UBE2M: variants seen among roughly 807,000 people sequenced by gnomAD.
UBE2M encodes NEDD8-conjugating enzyme Ubc12.
Under a neutral mutation model 23.5 loss-of-function variants are expected in UBE2M, and 2 were observed. The observed-to-expected ratio is 0.09, with a 90% CI of 0.03 to 0.27. The LOEUF (loss-of-function observed/expected upper bound fraction) is 0.27, where lower values mean the gene tolerates loss of function less well. Ranked by LOEUF, UBE2M falls within the 10% of genes least tolerant of loss-of-function variation. UBE2M has a pLI of 1.00. For synonymous variants in UBE2M, 97 were observed against 95.2 expected (o/e 1.02, Z -0.11); for missense variants, 103 against 232.9 (o/e 0.44, Z 3.63).
In UBE2M at chr19:58,558,384, T is replaced by C; in HGVS notation, c.-3A>G. ...TTCAGCGAGAACAGCTTGATCATCCTGCCGCCGCCGCCGCCGCTGCCGCCG... is the reference window on the plus strand; with the variant it reads ...TTCAGCGAGAACAGCTTGATCATCCCGCCGCCGCCGCCGCCGCTGCCGCCG... On this transcript the variant is annotated 5_prime_UTR_variant, in exon 1 of 6. Coordinates refer to ENST00000253023, the MANE Select transcript of UBE2M (RefSeq NM_003969.4). The surrounding 1 kb of genome is among the most constrained non-coding windows in gnomAD (Gnocchi z 4.7). 7.1e-7 allele frequency: 1 copy of C among 1,401,498 alleles called. No homozygotes were observed. The highest frequency in any genetic ancestry group is 9.4e-7 in the Non-Finnish European group (1 of 1,064,374). The allele number at this position is 1,401,498 out of a possible 1,614,324, so 86.8% of individuals were successfully genotyped here.
rs777097738 is a variant in UBE2M, at chr19:58,556,645, C to A, written c.347+42G>T. The A allele has an allele frequency of 1.3e-6, 2 of 1,486,300 alleles. No individual in the cohort carries two copies. The highest frequency in any genetic ancestry group is 1.8e-6 in the Non-Finnish European group (2 of 1,107,840). The allele number at this position is 1,486,300 out of a possible 1,614,324, so 92.1% of individuals were successfully genotyped here. ...CCACAAGACCATGAGGGAGGCCTGG[C>A]AGGCAGCGCTGAGGAGGGCATTAGA... On this transcript the variant is annotated intron_variant, in intron 4 of 5. Coordinates refer to ENST00000253023, the MANE Select transcript of UBE2M (RefSeq NM_003969.4). This position sits in a 1 kb window ranked among gnomAD's most constrained non-coding sequence, Gnocchi z 4.9.
In UBE2M at chr19:58,557,122, T is replaced by A; in HGVS notation, c.145A>T (p.Ile49Phe). Residue 49 changes from isoleucine to phenylalanine, a missense_variant, in exon 2 of 6, where the codon ATC becomes TTC. Ile to Phe is a conservative substitution (Grantham distance 21). Around this residue, in one of 3 missense-constraint regions of UBE2M, gnomAD observed 57 missense variants for 103.3 expected, o/e 0.55. Coordinates refer to ENST00000253023, the MANE Select transcript of UBE2M (RefSeq NM_003969.4). The stretch of plus-strand genomic sequence containing the variant: ...AGGTCGTCTGGATCTGAGAAGCTGA[T>A]ATCACACGTCTTGGGCAGGTTCAGC... The part of the protein sequence containing the change: ...NELNLPKTCD[I>F]SFSDPDDLLN... The A allele has an allele frequency of 6.2e-7, 1 of 1,613,954 alleles. No homozygotes were observed. Among genetic ancestry groups the A allele is most frequent in the Non-Finnish European group, 8.5e-7 (1 of 1,179,968 alleles).
rs184053887 is a variant in UBE2M at position 58,557,733 on chromosome 19, C to A, written c.109+540G>T. 1.2e-3 allele frequency among the ~76,000 whole-genome samples: 178 copies of A among 147,808 alleles called. 1 individual carries two copies. The highest frequency in any genetic ancestry group is 4.2e-3 in the African/African-American group (171 of 40,328). On this transcript the variant is annotated intron_variant, in intron 1 of 5. Transcript: ENST00000253023. ...ATTTCCCCTCACCCCTGTCTCCAAT[C>A]CCTGGTACTCATTAACCTTCCCTCC... is the stretch of plus-strand genomic sequence containing the variant.
In UBE2M at chr19:58,556,618, G is replaced by T; in HGVS notation, c.347+69C>A. On this transcript the variant is annotated intron_variant, in intron 4 of 5. Transcript: ENST00000253023. The surrounding 1 kb of genome is among the most constrained non-coding windows in gnomAD (Gnocchi z 4.9). The stretch of plus-strand genomic sequence containing the variant: ...GGGAAGGGACAGAGTCTGATGTAGT[G>T]CCCACAAGACCATGAGGGAGGCCTG... The T allele has an allele frequency of 7.5e-7, 1 of 1,334,512 alleles. No homozygotes were observed. The highest frequency in any genetic ancestry group is 1.0e-6 in the Non-Finnish European group (1 of 971,816). The allele number at this position is 1,334,512 out of a possible 1,614,324, so 82.7% of individuals were successfully genotyped here.
Position 58,558,522 on chromosome 19 carries a change from G to C in UBE2M, c.-141C>G. On this transcript the variant is annotated 5_prime_UTR_variant, in exon 1 of 6. Transcript: ENST00000253023. This position sits in a 1 kb window ranked among gnomAD's most constrained non-coding sequence, Gnocchi z 4.7. The stretch of plus-strand genomic sequence containing the variant: ...GCTGCTGCCGCCACCCGCCCGGCCT[G>C]CCGCGCCGCTCCGCTCCTCTCCGCG... The C allele has an allele frequency of 4.0e-6, 1 of 253,148 alleles. No homozygotes were observed. The highest frequency in any genetic ancestry group is 6.2e-6 in the Non-Finnish European group (1 of 160,798). 15.7% of individuals were successfully genotyped at this position (253,148 alleles called of 1,614,324 possible).
chr19:58,556,677 G>C lies in UBE2M; in HGVS notation c.347+10C>G. 2 of 1,522,134 alleles carry C rather than the reference G, an allele frequency of 1.3e-6. No individual in the cohort carries two copies. Among genetic ancestry groups the C allele is most frequent in the Non-Finnish European group, 1.8e-6 (2 of 1,137,354 alleles). 94.3% of individuals were successfully genotyped at this position (1,522,134 alleles called of 1,614,324 possible). ...CGCTGAGGAGGGCATTAGAGGGCCA[G>C]TGTCCTCACCTGAGGATGTTGAGGC... On this transcript the variant is annotated intron_variant, in intron 4 of 5. Coordinates refer to ENST00000253023, the MANE Select transcript of UBE2M (RefSeq NM_003969.4). The surrounding 1 kb of genome is among the most constrained non-coding windows in gnomAD (Gnocchi z 4.9).
rs980479986 is a variant in UBE2M at position 58,556,801 on chromosome 19, G to A, written c.244-11C>T. On this transcript the variant is annotated splice_polypyrimidine_tract_variant and intron_variant, in intron 3 of 5. Transcript: ENST00000253023. The surrounding 1 kb of genome is among the most constrained non-coding windows in gnomAD (Gnocchi z 4.9). ...GTAACCCTGGCCCACCTGGCTCCAG[G>A]AAAAGAAAAGAGAGATGGGTAGGTG... The A allele has an allele frequency of 8.7e-6, 14 of 1,604,156 alleles. No individual in the cohort carries two copies. Among genetic ancestry groups the A allele is most frequent in the South Asian group, 1.1e-5 (1 of 90,248 alleles).
chr19:58,555,900 C>T lies in UBE2M; in HGVS notation c.*189G>A, dbSNP rs1380990945. 5 of 745,036 alleles carry T rather than the reference C, an allele frequency of 6.7e-6. No individual in the cohort carries two copies. Among genetic ancestry groups the T allele is most frequent in the East Asian group, 2.7e-5 (1 of 36,414 alleles). 46.2% of individuals were successfully genotyped at this position (745,036 alleles called of 1,614,324 possible). On this transcript the variant is annotated 3_prime_UTR_variant, in exon 6 of 6. Coordinates refer to ENST00000253023, the MANE Select transcript of UBE2M (RefSeq NM_003969.4). ...TCGCTGAGTGGGTCGGGGGAGGCAG[C>T]GCCGACCTTAATCACATGGTGTTAA...
At chr19:58,557,300 C>CT in intron 1 of UBE2M, 143 bp from the exon 2 acceptor site, 1 of 773,362 alleles carries the variant, frequency 1.3e-6, no homozygotes, top group Non-Finnish European at 2.2e-6. Flanking sequence ...CTCTCCTGGG[C>CT]TGTGCTCCAC....
rs1391202053 is a variant in UBE2M at position 58,558,260 on chromosome 19, C to T, written c.109+13G>A. The T allele has an allele frequency of 1.9e-6, 3 of 1,599,768 alleles. No individual in the cohort carries two copies. Among genetic ancestry groups the T allele is most frequent in the Non-Finnish European group, 2.6e-6 (3 of 1,173,744 alleles). On this transcript the variant is annotated intron_variant, in intron 1 of 5. Transcript: ENST00000253023. This position sits in a 1 kb window ranked among gnomAD's most constrained non-coding sequence, Gnocchi z 4.7. ...CCGACCTCCGGCTCCAACCCCATCC[C>T]CTGACCCCCTACCCTTCTGGATCCG...
rs2053887299 is a variant in UBE2M, at chr19:58,555,988, C to T, written c.*101G>A. On this transcript the variant is annotated 3_prime_UTR_variant, in exon 6 of 6. Transcript: ENST00000253023. ...GAGGCAAGGCCAAGGCAGGGGATTC[C>T]CCCACCGGCCGCCCCCCAAACCCCT... 1 of 1,475,914 alleles carries T rather than the reference C, an allele frequency of 6.8e-7. No homozygotes were observed. Among genetic ancestry groups the T allele is most frequent in the Non-Finnish European group, 9.1e-7 (1 of 1,102,588 alleles). The allele number at this position is 1,475,914 out of a possible 1,614,324, so 91.4% of individuals were successfully genotyped here.
intron 1 of UBE2M, among the ~76,000 whole-genome samples, chr19:58,557,934 C>T (rs1270301675): frequency 1.3e-5 from 2 of 151,984 alleles, no homozygotes; most frequent in Non-Finnish European, 1.5e-5. Flanking sequence ...CTCTCTTCTC[C>T]GCCTGTCACC....
At position 58,558,428 on chromosome 19, in the gene UBE2M, C is replaced by T. The variant is rs756326050; in HGVS notation, c.-47G>A. The T allele has an allele frequency of 9.5e-5, 93 of 979,094 alleles. 1 individual carries two copies. Among genetic ancestry groups the T allele is most frequent in the Non-Finnish European group, 1.0e-4 (86 of 819,280 alleles). 60.7% of individuals were successfully genotyped at this position (979,094 alleles called of 1,614,324 possible). A position where few individuals can be genotyped will look rare whatever the true frequency, so the allele number is the denominator to read the frequency against. Reference sequence around the variant, plus strand: ...GCCGCCGCCGCGGGGCCCGGGACCCCGGCCACCCGGCCCCCCGCCGCCGCC... The same window carrying T: ...GCCGCCGCCGCGGGGCCCGGGACCCTGGCCACCCGGCCCCCCGCCGCCGCC... On this transcript the variant is annotated 5_prime_UTR_variant, in exon 1 of 6. Coordinates refer to ENST00000253023, the MANE Select transcript of UBE2M (RefSeq NM_003969.4). The surrounding 1 kb of genome is among the most constrained non-coding windows in gnomAD (Gnocchi z 4.7).
At chr19:58,557,989 G>C (rs980435365) in intron 1 of UBE2M, among the ~76,000 whole-genome samples, 1 of 151,914 alleles carries the variant, frequency 6.6e-6, no homozygotes, top group African/African-American at 2.4e-5. Flanking sequence ...CGAGTCGTCA[G>C]TTCCTCCACT....
In UBE2M at chr19:58,555,787, C is replaced by T. The variant is rs2053885046; in HGVS notation, c.*302G>A. 7.1e-6 allele frequency: 3 copies of T among 421,816 alleles called. No individual in the cohort carries two copies. The highest frequency in any genetic ancestry group is 1.3e-5 in the Non-Finnish European group (3 of 226,990). The allele number at this position is 421,816 out of a possible 1,614,324, so 26.1% of individuals were successfully genotyped here. A position where few individuals can be genotyped will look rare whatever the true frequency, so the allele number is the denominator to read the frequency against. On this transcript the variant is annotated 3_prime_UTR_variant, in exon 6 of 6. Transcript: ENST00000253023. ...GGTGGGTTGCCTGGGCCCAGCTACC[C>T]AGGCCCGTTGCCCACCCACTCCACA...
In UBE2M at chr19:58,556,602, C is replaced by T; in HGVS notation, c.347+85G>A. ...CAGACAACAAAGGGGTGGGAAGGGACAGAGTCTGATGTAGTGCCCACAAGA... is the reference window on the plus strand; with the variant it reads ...CAGACAACAAAGGGGTGGGAAGGGATAGAGTCTGATGTAGTGCCCACAAGA... On this transcript the variant is annotated intron_variant, in intron 4 of 5. Coordinates refer to ENST00000253023, the MANE Select transcript of UBE2M (RefSeq NM_003969.4). The surrounding 1 kb of genome is among the most constrained non-coding windows in gnomAD (Gnocchi z 4.9). 12 of 1,251,864 alleles carry T rather than the reference C, an allele frequency of 9.6e-6. No homozygotes were observed. Among genetic ancestry groups the T allele is most frequent in the Non-Finnish European group, 1.3e-5 (12 of 900,432 alleles). 77.5% of individuals were successfully genotyped at this position (1,251,864 alleles called of 1,614,324 possible). A position where few individuals can be genotyped will look rare whatever the true frequency, so the allele number is the denominator to read the frequency against.
Position 58,557,110 on chromosome 19 carries a change from C to T in UBE2M, c.157G>A (p.Asp53Asn). Residue 53 changes from aspartate to asparagine, a missense_variant, in exon 2 of 6, where the codon GAT (aspartate) becomes AAT (asparagine). Around this residue, in one of 3 missense-constraint regions of UBE2M, gnomAD observed 57 missense variants for 103.3 expected, o/e 0.55. Coordinates refer to ENST00000253023, the MANE Select transcript of UBE2M (RefSeq NM_003969.4). ...LPKTCDISFS[D>N]PDDLLNFKLV... is the part of the protein sequence containing the mutation. Reference sequence around the variant, plus strand: ...TTGAAGTTGAGGAGGTCGTCTGGATCTGAGAAGCTGATATCACACGTCTTG... The same window carrying T: ...TTGAAGTTGAGGAGGTCGTCTGGATTTGAGAAGCTGATATCACACGTCTTG... 1 of 1,614,056 alleles carries T rather than the reference C, an allele frequency of 6.2e-7. No individual in the cohort carries two copies. Among genetic ancestry groups the T allele is most frequent in the Non-Finnish European group, 8.5e-7 (1 of 1,180,014 alleles).
chr19:58,557,129 C>A lies in UBE2M; in HGVS notation c.138G>T (p.Thr46=). 1.2e-6 allele frequency: 2 copies of A among 1,613,944 alleles called. No homozygotes were observed. The highest frequency in any genetic ancestry group is 1.7e-6 in the Non-Finnish European group (2 of 1,179,992). ...KDINELNLPK[T]CDISFSDPDD... The stretch of plus-strand genomic sequence containing the variant: ...CTGGATCTGAGAAGCTGATATCACA[C>A]GTCTTGGGCAGGTTCAGCTCGTTTA... The change falls in exon 2 of 6, where the codon ACG becomes ACT. Residue 46 remains threonine, a synonymous_variant. Transcript: ENST00000253023.
At position 58,556,466 on chromosome 19, in the gene UBE2M, C is replaced by T; in HGVS notation, c.348-87G>A. The stretch of plus-strand genomic sequence containing the variant: ...GGTGTTGGGCAGGTCAGATCCAGGG[C>T]ATAGGAGAGTGAGCATGTGAGAGGC... On this transcript the variant is annotated intron_variant, in intron 4 of 5. Transcript: ENST00000253023. This position sits in a 1 kb window ranked among gnomAD's most constrained non-coding sequence, Gnocchi z 4.9. 1 of 1,429,412 alleles carries T rather than the reference C, an allele frequency of 7.0e-7. No individual in the cohort carries two copies. The highest frequency in any genetic ancestry group is 9.7e-7 in the Non-Finnish European group (1 of 1,026,182). The allele number at this position is 1,429,412 out of a possible 1,614,324, so 88.5% of individuals were successfully genotyped here. A position where few individuals can be genotyped will look rare whatever the true frequency, so the allele number is the denominator to read the frequency against.
Sources: allele counts gnomAD v4.1 joint callset (sites outside exome capture counted in the v4.1 genomes callset), GRCh38; gene constraint gnomAD v4.1.1; regional missense constraint gnomAD v4.1.1; non-coding constraint Gnocchi (gnomAD v3.1); transcripts MANE v1.5; gene names NCBI Gene and HGNC (gene_info 2026-07-23, HGNC 2026-07-21).